The following FOLH1 variants were observed in gnomAD, a reference collection of about 807,000 sequenced individuals.
The protein encoded by FOLH1 is glutamate carboxypeptidase 2.
Under a neutral mutation model 93.9 loss-of-function variants are expected in FOLH1, and 54 were observed. That is an observed-to-expected ratio of 0.57 (90% confidence interval 0.46 to 0.72). The LOEUF (loss-of-function observed/expected upper bound fraction) is 0.72, where lower values mean the gene tolerates loss of function less well. FOLH1 is among the 30% of genes least tolerant of loss of function. The pLI, the probability that FOLH1 is intolerant of heterozygous loss-of-function variation, is 0.00. For missense variants in FOLH1, 571 were observed against 892.5 expected (o/e 0.64, Z 4.59); for synonymous variants, 249 against 303.6 (o/e 0.82, Z 1.87).
rs1863871327 is a variant in FOLH1 at position 49,205,929 on chromosome 11, A to C, written c.224+138T>G. On this transcript the variant is annotated intron_variant, in intron 2 of 18. Transcript: ENST00000256999. Reference sequence around the variant, plus strand: ...TAGCTGAAAGTATAGTCCTCCTCAGATGAAATGTGATCCAAGATCTTTAAT... The same window carrying C: ...TAGCTGAAAGTATAGTCCTCCTCAGCTGAAATGTGATCCAAGATCTTTAAT... The C allele has an allele frequency of 5.5e-6, 5 of 910,452 alleles. No individual in the cohort carries two copies. The East Asian group carries it at 1.4e-4, about 26-fold the overall frequency. 56.4% of individuals were successfully genotyped at this position (910,452 alleles called of 1,614,324 possible).
intron 7 of FOLH1, among the ~76,000 whole-genome samples, chr11:49,181,329 C>T (rs900795259): frequency 6.6e-6 from 1 of 151,824 alleles, no homozygotes; most frequent in Non-Finnish European, 1.5e-5. Context: ...CGAGGATGGT[C>T]CCCATCTCTT....
rs1276619573 is a variant in FOLH1 at position 49,180,686 on chromosome 11, GA to G, written c.920+2462del. 9.2e-5 allele frequency among the ~76,000 whole-genome samples: 14 copies of G among 152,256 alleles called. No homozygotes were observed. In the East Asian group the frequency reaches 2.7e-3, roughly 29 times the overall value. On this transcript the variant is annotated intron_variant, in intron 7 of 18. Transcript: ENST00000256999. ...CACTCCCAAGGTACGTGTGCCAAGA[GA>G]GTAAATTTTCACAGTGAAATTCATA...
At chr11:49,176,443 C>A (rs2634270) in intron 7 of FOLH1, among the ~76,000 whole-genome samples, 1 of 152,164 alleles carries the variant, frequency 6.6e-6, no homozygotes, top group African/African-American at 2.4e-5. Flanking sequence ...AAAAGCTTCA[C>A]GCTATTTTTT....
At chr11:49,146,985 T>C (rs1420742447) in intron 18 of FOLH1, 40 bp from the exon 19 acceptor site, 3 of 1,586,732 alleles carry the variant, frequency 1.9e-6, no homozygotes, top group East Asian at 4.5e-5. Context: ...GGTGCCCAAA[T>C]GATATACAAG....
chr11:49,188,438 G>A (rs543806663), intron 4 of FOLH1, among the ~76,000 whole-genome samples: 11 of 151,662 alleles, frequency 7.3e-5, no homozygotes, highest in South Asian at 2.1e-4. Context: ...GCTTGAACAC[G>A]GGAGGTGGAG....
intron 3 of FOLH1, among the ~76,000 whole-genome samples, chr11:49,198,055 A>G (rs1053588072): frequency 5.9e-5 from 9 of 152,156 alleles, no homozygotes; most frequent in Non-Finnish European, 1.2e-4. Flanking sequence ...AAACTTTTAC[A>G]TGATTCATTT....
chr11:49,166,212 A>G (rs1163929160), intron 12 of FOLH1, among the ~76,000 whole-genome samples: 4 of 152,184 alleles, frequency 2.6e-5, no homozygotes, highest in Non-Finnish European at 4.4e-5. Context: ...GAAAAAGGCA[A>G]GTTGTAGAAG....
intron 7 of FOLH1, among the ~76,000 whole-genome samples, chr11:49,176,220 T>A (rs1860019790): frequency 1.3e-5 from 2 of 152,190 alleles, no homozygotes; most frequent in South Asian, 4.1e-4. Context: ...AAATTATTGA[T>A]AAGAATTTGA....
intron 3 of FOLH1, among the ~76,000 whole-genome samples, chr11:49,197,648 AATC>A (rs1203123519): frequency 6.6e-6 from 1 of 152,124 alleles, no homozygotes; most frequent in Non-Finnish European, 1.5e-5. Flanking sequence ...GTATAAAAGA[AATC>A]ATAGTTTACC....
rs377095633 is a variant in FOLH1 at position 49,186,742 on chromosome 11, G to A, written c.541C>T (p.Arg181Ter). Reference sequence around the variant, plus strand: ...TCCAATTTAAAGAAGTCTTCAGTTCGTGCATAGTTAACATACACTAGATCG... The same window carrying A: ...TCCAATTTAAAGAAGTCTTCAGTTCATGCATAGTTAACATACACTAGATCG... Reference protein sequence around the residue: ...EGDLVYVNYARTEDFFKLERD... With the variant: ...EGDLVYVNYA Residue 181 changes from arginine to a stop codon, truncating the protein, a stop_gained, in exon 5 of 19, where the codon CGA (arginine) becomes TGA (stop). Coordinates refer to ENST00000256999, the MANE Select transcript of FOLH1 (RefSeq NM_004476.3). LOFTEE classifies it high-confidence loss of function. The A allele has an allele frequency of 2.7e-5, 44 of 1,612,368 alleles. No homozygotes were observed. Among genetic ancestry groups the A allele is most frequent in the African/African-American group, 2.5e-4 (19 of 74,798 alleles).
intron 16 of FOLH1, 102 bp downstream of exon 16, chr11:49,154,126 T>G: frequency 6.6e-7 from 1 of 1,506,970 alleles, no homozygotes. Context: ...TTGGATCACT[T>G]GAAATAGCAA....
chr11:49,171,150 A>G (rs780135381), intron 11 of FOLH1, 45 bp downstream of exon 11: 2 of 1,544,144 alleles, frequency 1.3e-6, no homozygotes, highest in South Asian at 2.5e-5. Context: ...AGTCCTGGCT[A>G]CTTTATTTTA....
At chr11:49,190,995 T>G (rs1861963036) in intron 4 of FOLH1, among the ~76,000 whole-genome samples, 2 of 152,196 alleles carry the variant, frequency 1.3e-5, no homozygotes, top group African/African-American at 2.4e-5. Flanking sequence ...TGAAATGTAT[T>G]GAGCAGTGAA....
intron 1 of FOLH1, among the ~76,000 whole-genome samples, chr11:49,207,442 A>C (rs530150781): frequency 6.6e-6 from 1 of 152,236 alleles, no homozygotes; most frequent in African/African-American, 2.4e-5. Context: ...CATCTGGTCC[A>C]TGCCCTGTTC....
intron 4 of FOLH1, among the ~76,000 whole-genome samples, chr11:49,187,044 AC>A (rs1861480118): frequency 1.5e-5 from 2 of 130,172 alleles, no homozygotes; most frequent in African/African-American, 5.2e-5. Flanking sequence ...CACCCCCCCC[AC>A]ACACACACAG....
chr11:49,200,695 C>A (rs1435377397), intron 2 of FOLH1, among the ~76,000 whole-genome samples: 1 of 152,052 alleles, frequency 6.6e-6, no homozygotes, highest in Non-Finnish European at 1.5e-5. Context: ...ATTACTATAA[C>A]CTCGTATGGT....
chr11:49,175,453 G>A (rs896780153), intron 8 of FOLH1, among the ~76,000 whole-genome samples: 29 of 152,282 alleles, frequency 1.9e-4, no homozygotes, highest in Admixed American at 3.9e-4. Context: ...TAAAATTTCA[G>A]GGAGGGGAAG....
Position 49,166,935 on chromosome 11 carries a change from G to A in FOLH1, c.1373-2163C>T, listed in dbSNP as rs539928215. Among the ~76,000 whole-genome samples the A allele has an allele frequency of 1.2e-4, 19 of 152,116 alleles. No individual in the cohort carries two copies. In the East Asian group the frequency reaches 3.7e-3, roughly 29 times the overall value. ...ATGGTGCCACACACCTGTTTTCCCAGCTACTTGGGAGGCTGACGGGGGAGG... is the reference window on the plus strand; with the variant it reads ...ATGGTGCCACACACCTGTTTTCCCAACTACTTGGGAGGCTGACGGGGGAGG... On this transcript the variant is annotated intron_variant, in intron 12 of 18. Coordinates refer to ENST00000256999, the MANE Select transcript of FOLH1 (RefSeq NM_004476.3).
At chr11:49,161,640 T>C (rs1316870844) in intron 13 of FOLH1, among the ~76,000 whole-genome samples, 1 of 152,210 alleles carries the variant, frequency 6.6e-6, no homozygotes, top group Non-Finnish European at 1.5e-5. Flanking sequence ...AAGATTAGAA[T>C]TGAAATGTGT....
Sources: allele counts gnomAD v4.1 joint callset (sites outside exome capture counted in the v4.1 genomes callset), GRCh38; gene constraint gnomAD v4.1.1; transcripts MANE v1.5; gene names NCBI Gene and HGNC (gene_info 2026-07-23, HGNC 2026-07-21).